The following SUGCT variants were observed in gnomAD, a reference collection of about 807,000 sequenced individuals.
SUGCT encodes the protein succinyl-CoA:glutarate CoA-transferase.
Under a neutral mutation model 55.0 loss-of-function variants are expected in SUGCT, and 41 were observed. That is an observed-to-expected ratio of 0.74 (90% CI 0.58 to 0.97). The LOEUF (loss-of-function observed/expected upper bound fraction) is 0.97, where lower values mean the gene tolerates loss of function less well. Ranked by LOEUF, SUGCT falls within the 50% of genes least tolerant of loss-of-function variation. SUGCT has a pLI of 0.00. For synonymous variants in SUGCT, 187 were observed against 200.4 expected (o/e 0.93, Z 0.56); for missense variants, 568 against 547.8 (o/e 1.04, Z -0.37).
chr7:40,718,425 G>T (rs1341611571), intron 12 of SUGCT, among the ~76,000 whole-genome samples: 2 of 152,172 alleles, frequency 1.3e-5, no homozygotes, highest in Admixed American at 1.3e-4. Flanking sequence ...AAGTAACGAG[G>T]AAAATATCTT....
chr7:40,639,403 C>G lies in SUGCT; in HGVS notation c.1090-110031C>G, dbSNP rs115373223. Among the ~76,000 whole-genome samples the G allele has an allele frequency of 2.0e-3, 303 of 152,218 alleles. 3 individuals carry two copies. The highest frequency in any genetic ancestry group is 7.0e-3 in the African/African-American group (289 of 41,534). On this transcript the variant is annotated intron_variant, in intron 12 of 13. Transcript: ENST00000335693. ...TTGAGTTTAAATTCCAGTTCTATTA[C>G]CAGATAAGAATTGACTTATCAAATA...
At chr7:40,560,442 G>T (rs1795777933) in intron 12 of SUGCT, among the ~76,000 whole-genome samples, 2 of 152,198 alleles carry the variant, frequency 1.3e-5, no homozygotes, top group Admixed American at 1.3e-4. Context: ...GTTTCTCATT[G>T]TTACTTGCTT....
chr7:40,272,095 C>CTCTA (rs1554299494), intron 7 of SUGCT, among the ~76,000 whole-genome samples: 72 of 85,422 alleles, frequency 8.4e-4, no homozygotes, highest in African/African-American at 2.5e-3. Flanking sequence ...CTCTCTCTCT[C>CTCTA]TATATATATA....
the SUGCT span, among the ~76,000 whole-genome samples, chr7:40,889,315 G>A: frequency 6.6e-6 from 1 of 152,144 alleles, no homozygotes; most frequent in Non-Finnish European, 1.5e-5. Context: ...AGTGTTCCCT[G>A]GGAGGACTGC....
At chr7:40,916,653 C>G in the SUGCT span, among the ~76,000 whole-genome samples, 2 of 152,172 alleles carry the variant, frequency 1.3e-5, no homozygotes, top group African/African-American at 4.8e-5. Context: ...ATTCTACTAT[C>G]TGGTGTTTGA....
chr7:40,160,772 T>G (rs1473315878), intron 1 of SUGCT, among the ~76,000 whole-genome samples: 1 of 152,080 alleles, frequency 6.6e-6, no homozygotes, highest in Non-Finnish European at 1.5e-5. Flanking sequence ...TCAGAAGTCA[T>G]TAAATAAGTA....
At chr7:40,254,736 A>G (rs1408068918) in intron 7 of SUGCT, among the ~76,000 whole-genome samples, 2 of 151,890 alleles carry the variant, frequency 1.3e-5, no homozygotes, top group African/African-American at 4.8e-5. Flanking sequence ...AATCTTCTGT[A>G]GTTTAAAATG....
At chr7:40,646,645 G>A (rs1326479361) in intron 12 of SUGCT, among the ~76,000 whole-genome samples, 4 of 152,112 alleles carry the variant, frequency 2.6e-5, no homozygotes, top group African/African-American at 4.8e-5. Flanking sequence ...GTCTTTGCAC[G>A]GCAGGTTACT....
intron 12 of SUGCT, among the ~76,000 whole-genome samples, chr7:40,534,807 G>GTA (rs1163132868): frequency 6.6e-6 from 1 of 152,076 alleles, no homozygotes; most frequent in Non-Finnish European, 1.5e-5. Context: ...CATTATAATG[G>GTA]TAAACATGCT....
At chr7:40,879,839 A>T in the SUGCT span, among the ~76,000 whole-genome samples, 1 of 152,148 alleles carries the variant, frequency 6.6e-6, no homozygotes, top group Non-Finnish European at 1.5e-5. Flanking sequence ...TTGTGGCAGG[A>T]CGTTCTTGTG....
chr7:40,532,119 C>T (rs1175732070), intron 12 of SUGCT, among the ~76,000 whole-genome samples: 1 of 152,110 alleles, frequency 6.6e-6, no homozygotes, highest in African/African-American at 2.4e-5. Flanking sequence ...CAAGGTTGGT[C>T]TCATACAGAT....
intron 9 of SUGCT, among the ~76,000 whole-genome samples, chr7:40,427,179 G>A (rs939925370): frequency 2.0e-5 from 3 of 152,126 alleles, no homozygotes; most frequent in Admixed American, 2.0e-4. Context: ...AGATTGGACA[G>A]GCTAATCAAG....
At chr7:40,374,776 C>T (rs1196028980) in intron 9 of SUGCT, among the ~76,000 whole-genome samples, 1 of 152,094 alleles carries the variant, frequency 6.6e-6, no homozygotes, top group Non-Finnish European at 1.5e-5. Context: ...ACATGTAATC[C>T]TGGGCTGATT....
intron 12 of SUGCT, among the ~76,000 whole-genome samples, chr7:40,512,823 A>G (rs1213599780): frequency 6.6e-6 from 1 of 152,134 alleles, no homozygotes; most frequent in Non-Finnish European, 1.5e-5. Context: ...AGTGCAGATG[A>G]GAGATAGTGA....
chr7:40,717,949 A>C (rs577069778), intron 12 of SUGCT, among the ~76,000 whole-genome samples: 2 of 152,308 alleles, frequency 1.3e-5, no homozygotes, highest in South Asian at 4.1e-4. Context: ...CACATATTTT[A>C]GTTTTTAAAA....
intron 9 of SUGCT, among the ~76,000 whole-genome samples, chr7:40,399,360 G>A (rs184450313): frequency 1.3e-5 from 2 of 152,256 alleles, no homozygotes; most frequent in African/African-American, 4.8e-5. Flanking sequence ...AGACTCTTAG[G>A]TGATAAGTGA....
At chr7:40,589,507 G>A (rs1167217777) in intron 12 of SUGCT, among the ~76,000 whole-genome samples, 1 of 152,126 alleles carries the variant, frequency 6.6e-6, no homozygotes, top group African/African-American at 2.4e-5. Flanking sequence ...GATTCCAGAA[G>A]CCCTTTTTAT....
At chr7:40,593,563 A>G (rs1044948430) in intron 12 of SUGCT, among the ~76,000 whole-genome samples, 3 of 152,188 alleles carry the variant, frequency 2.0e-5, no homozygotes, top group Non-Finnish European at 4.4e-5. Flanking sequence ...AGTATGGGCC[A>G]GGCATGGTGG....
the SUGCT span, among the ~76,000 whole-genome samples, chr7:41,029,087 T>A: frequency 3.9e-5 from 6 of 152,188 alleles, no homozygotes; most frequent in Non-Finnish European, 2.9e-5. Flanking sequence ...CCTCTCCTCA[T>A]GCCCTCCTCC....
Sources: gnomAD v4.1 joint callset for allele counts (sites outside exome capture counted in the v4.1 genomes callset) on GRCh38, gnomAD v4.1.1 for gene constraint, MANE v1.5 for transcripts, NCBI Gene and HGNC (gene_info 2026-07-23, HGNC 2026-07-21) for gene names.